Variants in CLIP2 observed in about 807,000 individuals in gnomAD.
CLIP2 encodes the protein CAP-Gly domain containing linker protein 2.
In CLIP2, 41 loss-of-function variants were observed where a neutral mutation model predicts 111.7. The observed-to-expected ratio is 0.37, with a 90% CI of 0.29 to 0.48. The LOEUF (loss-of-function observed/expected upper bound fraction) is 0.48. Among genes scored for constraint, CLIP2 ranks in the 20% least tolerant of loss-of-function variants. The probability of loss-of-function intolerance (pLI) is 0.99; values close to 1 mark genes in which losing one functional copy is unlikely to be tolerated. For missense variants in CLIP2, 1,160 were observed against 1,422.1 expected (o/e 0.82, Z 2.96); for synonymous variants, 660 against 644.2 (o/e 1.02, Z -0.37).
chr7:74,336,540 G>A (rs990584690), intron 2 of CLIP2, among the ~76,000 whole-genome samples: 5 of 152,032 alleles, frequency 3.3e-5, no homozygotes, highest in African/African-American at 4.8e-5. Context: ...TTCAGATCTC[G>A]TGAGACTTAT....
rs782815221 is a variant in CLIP2, at chr7:74,357,336, G to A, written c.1074G>A (p.Gln358=). 3 of 1,614,178 alleles carry A rather than the reference G, an allele frequency of 1.9e-6. No homozygotes were observed. The Admixed American group carries it at 5.0e-5, about 27-fold the overall frequency. The change falls in exon 6 of 17, where the codon CAG becomes CAA. Residue 358 remains glutamine, a synonymous_variant. Coordinates refer to ENST00000223398, the MANE Select transcript of CLIP2 (RefSeq NM_003388.5). ...ARKISGTTAL[Q]EALKEKQQHI... ...AGATCTCGGGCACCACGGCCTTGCA[G>A]GAGGCACTGAAGGAGAAGCAGCAGC...
intron 11 of CLIP2, among the ~76,000 whole-genome samples, chr7:74,381,941 G>T (rs577422510): frequency 1.3e-5 from 2 of 152,148 alleles, no homozygotes; most frequent in African/African-American, 4.8e-5. Context: ...ATTCCCACCA[G>T]CTGTGGTTGA....
intron 3 of CLIP2, among the ~76,000 whole-genome samples, chr7:74,347,546 G>A (rs1554306585): frequency 6.6e-6 from 1 of 152,142 alleles, no homozygotes; most frequent in African/African-American, 2.4e-5. Context: ...GGGATTACAG[G>A]CGTGAGCCAC....
intron 2 of CLIP2, among the ~76,000 whole-genome samples, chr7:74,322,198 C>T (rs1554730128): frequency 6.6e-6 from 1 of 151,578 alleles, no homozygotes; most frequent in African/African-American, 2.4e-5. Context: ...ACCATGTTGG[C>T]CAGGCTGGTC....
chr7:74,298,587 GC>G (rs1788237550), intron 1 of CLIP2, among the ~76,000 whole-genome samples: 4 of 14,772 alleles, frequency 2.7e-4, no homozygotes, highest in Admixed American at 1.8e-3. Context: ...GAGTGCAGTG[GC>G]GTGGCGTGAT....
chr7:74,382,001 T>G (rs1554313987), intron 11 of CLIP2, among the ~76,000 whole-genome samples: 1 of 152,222 alleles, frequency 6.6e-6, no homozygotes, highest in Non-Finnish European at 1.5e-5. Flanking sequence ...GATCAGACTT[T>G]GTGATCTTTG....
intron 8 of CLIP2, among the ~76,000 whole-genome samples, chr7:74,371,841 C>G (rs1790635477): frequency 6.6e-6 from 1 of 152,050 alleles, no homozygotes; most frequent in Non-Finnish European, 1.5e-5. Context: ...GGCCAAAGGA[C>G]ATAATCATCT....
At chr7:74,360,358 AC>A in intron 7 of CLIP2, 80 bp downstream of exon 7, 1 of 1,093,722 alleles carries the variant, frequency 9.1e-7, no homozygotes, top group Non-Finnish European at 1.3e-6. Context: ...GGAATAGCGG[AC>A]CCAGGTTCCA....
At chr7:74,366,741 TG>T (rs1790476897) in intron 8 of CLIP2, among the ~76,000 whole-genome samples, 1 of 152,096 alleles carries the variant, frequency 6.6e-6, no homozygotes, top group African/African-American at 2.4e-5. Flanking sequence ...CTGGGCATGG[TG>T]ACGGGCGCCT....
intron 2 of CLIP2, among the ~76,000 whole-genome samples, chr7:74,336,495 A>G (rs1185424438): frequency 6.6e-6 from 1 of 152,044 alleles, no homozygotes; most frequent in Non-Finnish European, 1.5e-5. Context: ...AGAGAGAATG[A>G]GAGCCAAGCA....
At chr7:74,335,328 A>T (rs1361072423) in intron 2 of CLIP2, among the ~76,000 whole-genome samples, 1 of 138,870 alleles carries the variant, frequency 7.2e-6, no homozygotes, top group African/African-American at 2.5e-5. Context: ...GGCACTTCAT[A>T]AATGCAGCTG....
At chr7:74,371,875 G>C (rs1245814303) in intron 8 of CLIP2, among the ~76,000 whole-genome samples, 3 of 152,064 alleles carry the variant, frequency 2.0e-5, no homozygotes, top group African/African-American at 7.2e-5. Context: ...TGAATTGCAG[G>C]AGTATTTCTA....
intron 3 of CLIP2, among the ~76,000 whole-genome samples, chr7:74,344,574 A>AT (rs1159810981): frequency 3.3e-5 from 5 of 151,160 alleles, no homozygotes; most frequent in East Asian, 3.9e-4. Flanking sequence ...TTATTTATTT[A>AT]TTTTTTTTGC....
intron 13 of CLIP2, 73 bp downstream of exon 13, chr7:74,389,332 A>T (rs1554315397): frequency 1.3e-5 from 18 of 1,408,952 alleles, no homozygotes; most frequent in South Asian, 2.9e-5. Context: ...ACATTAGCTC[A>T]TGTTATCTTG....
chr7:74,324,187 T>A (rs1401383276), intron 2 of CLIP2, among the ~76,000 whole-genome samples: 2 of 152,082 alleles, frequency 1.3e-5, no homozygotes, highest in Non-Finnish European at 2.9e-5. Flanking sequence ...AGACAGAGTT[T>A]CGCCATGTTG....
intron 3 of CLIP2, among the ~76,000 whole-genome samples, chr7:74,351,329 T>C (rs1789989977): frequency 1.4e-5 from 2 of 148,076 alleles, no homozygotes; most frequent in Admixed American, 1.4e-4. Flanking sequence ...GCCCTGTGCC[T>C]GTAGTCCCAG....
intron 1 of CLIP2, among the ~76,000 whole-genome samples, chr7:74,293,548 TG>T (rs1196891050): frequency 1.3e-5 from 2 of 151,736 alleles, no homozygotes; most frequent in Admixed American, 6.6e-5. Context: ...GCTCGGCTAG[TG>T]GGGGGGCAGG....
intron 3 of CLIP2, among the ~76,000 whole-genome samples, chr7:74,348,667 G>A (rs1789879361): frequency 6.6e-6 from 1 of 151,824 alleles, no homozygotes; most frequent in South Asian, 2.1e-4. Context: ...GCGGGCGCCT[G>A]TAGTCCCAGC....
At chr7:74,294,474 C>T (rs1242481142) in intron 1 of CLIP2, among the ~76,000 whole-genome samples, 1 of 152,178 alleles carries the variant, frequency 6.6e-6, no homozygotes, top group Non-Finnish European at 1.5e-5. Context: ...TGGGATCATA[C>T]CTTCCACTCT....
Sources: allele counts gnomAD v4.1 joint callset (sites outside exome capture counted in the v4.1 genomes callset), GRCh38; gene constraint gnomAD v4.1.1; transcripts MANE v1.5; gene names NCBI Gene and HGNC (gene_info 2026-07-23, HGNC 2026-07-21).